Variants in RBM33 observed in about 807,000 individuals in gnomAD.
RBM33 encodes the protein RNA-binding protein 33.
In RBM33, 28 loss-of-function variants were observed where a neutral mutation model predicts 132.6. The ratio of observed to expected loss-of-function variants is 0.21; its 90% CI spans 0.16 to 0.29. The LOEUF (loss-of-function observed/expected upper bound fraction) is 0.29, where lower values mean the gene tolerates loss of function less well. Among genes scored for constraint, RBM33 ranks in the 10% least tolerant of loss-of-function variants. The pLI is 1.00. For synonymous variants in RBM33, 634 were observed against 593.0 expected (o/e 1.07, Z -1.01); for missense variants, 1,291 against 1,518.5 (o/e 0.85, Z 2.49).
At chr7:155,721,029 A>G (rs1339203480) in intron 9 of RBM33, among the ~76,000 whole-genome samples, 1 of 152,222 alleles carries the variant, frequency 6.6e-6, no homozygotes, top group Non-Finnish European at 1.5e-5. Flanking sequence ...TGAAATTTGC[A>G]ATTGAGCAAA....
Position 155,700,773 on chromosome 7 carries a change from G to A in RBM33, c.568G>A (p.Gly190Arg), listed in dbSNP as rs1436532664. Residue 190 changes from glycine to arginine, a missense_variant and splice_region_variant, in exon 6 of 18, where the codon GGA becomes AGA. Gly to Arg is a moderately radical substitution (Grantham distance 125, BLOSUM62 -2). This residue lies in a region of RBM33 where 194 missense variants were observed against 249.8 expected (regional missense o/e 0.78). Coordinates refer to ENST00000401878, the MANE Select transcript of RBM33 (RefSeq NM_053043.3). ...TTTGCCTTGTGTATCTGCAATATAG[G>A]GAGGTATGGAAACATTGGAACTTCA... ...EINEPLDEFT[G>R]GMETLELQKD... 1 of 1,557,148 alleles carries A rather than the reference G, an allele frequency of 6.4e-7. No homozygotes were observed. The highest frequency in any genetic ancestry group is 1.4e-5 in the African/African-American group (1 of 73,282).
rs763763629 is a variant in RBM33 at position 155,740,014 on chromosome 7, G to A, written c.2037G>A (p.Gln679=). ...GCCGGATGCAGTGCCCCCAGCGCCAGGGGCTCCGGCATGTAAGTGTCAAGG... is the reference window on the plus strand; with the variant it reads ...GCCGGATGCAGTGCCCCCAGCGCCAAGGGCTCCGGCATGTAAGTGTCAAGG... ...SSSRMQCPQR[Q]GLRHNTTSQN... The change falls in exon 12 of 18, where the codon CAG becomes CAA. Residue 679 remains glutamine, a synonymous_variant. Transcript: ENST00000401878. 14 of 1,550,072 alleles carry A rather than the reference G, an allele frequency of 9.0e-6. No homozygotes were observed. Among genetic ancestry groups the A allele is most frequent in the Middle Eastern group, 1.7e-4 (1 of 5,904 alleles).
Position 155,745,600 on chromosome 7 carries a change from G to C in RBM33, c.2977G>C (p.Gly993Arg), listed in dbSNP as rs760870469. ...GGTCAGGGTGATTAAGCTGTCAGGT[G>C]GGGTAAGTTGACAAGTTTTATGAGA... ...SKVRVIKLSGGGGESDGFFHP... is the reference protein window; with the variant it reads ...SKVRVIKLSGRGGESDGFFHP... Residue 993 changes from glycine to arginine, a missense_variant and splice_region_variant, in exon 14 of 18, where the codon GGG becomes CGG. Gly to Arg is a moderately radical substitution (Grantham distance 125, BLOSUM62 -2). Around this residue, in one of 7 missense-constraint regions of RBM33, gnomAD observed 841 missense variants for 912.0 expected, o/e 0.92. Coordinates refer to ENST00000401878, the MANE Select transcript of RBM33 (RefSeq NM_053043.3). This position sits in a 1 kb window ranked among gnomAD's most constrained non-coding sequence, Gnocchi z 4.1. The C allele has an allele frequency of 6.4e-7, 1 of 1,571,898 alleles. No homozygotes were observed. Among genetic ancestry groups the C allele is most frequent in the African/African-American group, 1.4e-5 (1 of 73,732 alleles).
intron 5 of RBM33, among the ~76,000 whole-genome samples, chr7:155,699,923 G>T (rs1049514078): frequency 3.3e-5 from 5 of 152,056 alleles, no homozygotes; most frequent in African/African-American, 1.2e-4. Context: ...TTGATAAAAA[G>T]TATCTAAATT....
chr7:155,752,655 G>GC (rs1801720258), intron 14 of RBM33, among the ~76,000 whole-genome samples: 2 of 152,132 alleles, frequency 1.3e-5, no homozygotes, highest in South Asian at 4.1e-4. Context: ...TTCTGAGGCC[G>GC]CCCATCGCCC....
intron 6 of RBM33, among the ~76,000 whole-genome samples, chr7:155,706,573 CTCAG>C (rs1416863931): frequency 6.6e-6 from 1 of 152,052 alleles, no homozygotes; most frequent in African/African-American, 2.4e-5. Flanking sequence ...GCTTTTTAGC[CTCAG>C]TCAGCACATA....
In RBM33 at chr7:155,739,725, ATCC is replaced by A. The variant is rs1801251833; in HGVS notation, c.1752_1754del (p.Pro585del). On this transcript the variant is annotated inframe_deletion, in exon 12 of 18. Transcript: ENST00000401878. Reference sequence around the variant, plus strand: ...CTTTGGAAATGGAAGGGGCCGTTGCATCCTCCATTGCCCCCTCCGCATCAGCCT... The same window carrying A: ...CTTTGGAAATGGAAGGGGCCGTTGCATCCATTGCCCCCTCCGCATCAGCCT... 6.5e-7 allele frequency: 1 copy of A among 1,546,592 alleles called. No individual in the cohort carries two copies.
chr7:155,682,383 G>A (rs1799360110), intron 5 of RBM33, among the ~76,000 whole-genome samples: 1 of 152,092 alleles, frequency 6.6e-6, no homozygotes, highest in South Asian at 2.1e-4. Flanking sequence ...GTAATCCTTC[G>A]CTAATGTAGG....
intron 6 of RBM33, among the ~76,000 whole-genome samples, chr7:155,706,383 A>G (rs1430640493): frequency 1.3e-5 from 2 of 152,108 alleles, no homozygotes; most frequent in African/African-American, 2.4e-5. Context: ...AGTCCCAGCT[A>G]CTTGGGAGGC....
intron 1 of RBM33, among the ~76,000 whole-genome samples, chr7:155,653,562 A>C (rs1002953483): frequency 6.0e-5 from 7 of 116,126 alleles, no homozygotes; most frequent in African/African-American, 2.4e-4. Flanking sequence ...TTCAGGCTCA[A>C]CCCCCAGCCT....
intron 2 of RBM33, among the ~76,000 whole-genome samples, chr7:155,672,325 T>A: frequency 6.6e-6 from 1 of 152,016 alleles, no homozygotes; most frequent in Non-Finnish European, 1.5e-5. Context: ...GGTACAAAAC[T>A]AAGATTAGAA....
intron 16 of RBM33, among the ~76,000 whole-genome samples, chr7:155,767,353 G>A (rs1006129864): frequency 2.6e-5 from 4 of 152,360 alleles, no homozygotes; most frequent in East Asian, 1.9e-4. Context: ...GCCACGCACC[G>A]TGCGTCCCGT....
At chr7:155,669,922 A>G (rs548622857) in intron 2 of RBM33, among the ~76,000 whole-genome samples, 16 of 152,302 alleles carry the variant, frequency 1.1e-4, no homozygotes, top group African/African-American at 3.8e-4. Context: ...GCCAGAGGTT[A>G]GGACCGGCTG....
At chr7:155,766,799 C>CA (rs1271788603) in intron 16 of RBM33, 144 bp downstream of exon 16, 1 of 763,524 alleles carries the variant, frequency 1.3e-6, no homozygotes, top group Non-Finnish European at 2.2e-6. Flanking sequence ...ACCTGTTGTG[C>CA]ATACTTAGTA....
chr7:155,730,015 G>C (rs563360038), intron 9 of RBM33, among the ~76,000 whole-genome samples: 2 of 152,350 alleles, frequency 1.3e-5, no homozygotes, highest in South Asian at 4.1e-4. Context: ...GCATGCCGCA[G>C]TACTTCCAGG....
intron 3 of RBM33, among the ~76,000 whole-genome samples, chr7:155,673,492 A>ACC (rs1491371049): frequency 6.7e-6 from 1 of 148,664 alleles, no homozygotes; most frequent in Admixed American, 6.6e-5. Context: ...GTATATATAT[A>ACC]CACACATATA....
Position 155,745,162 on chromosome 7 carries a change from G to A in RBM33, c.2539G>A (p.Ala847Thr), listed in dbSNP as rs758687833. The part of the protein sequence containing the change: ...PPPPAEQEEQ[A>T]LSPSPTNGNP... ...ACCCCCAGCAGAGCAGGAAGAGCAG[G>A]CACTGTCACCATCACCCACCAACGG... Residue 847 changes from alanine to threonine, a missense_variant, in exon 14 of 18, where the codon GCA (alanine) becomes ACA (threonine). This residue lies in a region of RBM33 where 841 missense variants were observed against 912.0 expected (regional missense o/e 0.92). Coordinates refer to ENST00000401878, the MANE Select transcript of RBM33 (RefSeq NM_053043.3). This position sits in a 1 kb window ranked among gnomAD's most constrained non-coding sequence, Gnocchi z 4.1. 6.2e-7 allele frequency: 1 copy of A among 1,608,552 alleles called. No homozygotes were observed. The highest frequency in any genetic ancestry group is 1.1e-5 in the South Asian group (1 of 90,004).
chr7:155,700,202 A>G (rs1184232320), intron 5 of RBM33, among the ~76,000 whole-genome samples: 1 of 152,248 alleles, frequency 6.6e-6, no homozygotes, highest in Non-Finnish European at 1.5e-5. Context: ...TCAGTCAAAG[A>G]TAGTGATAAA....
At chr7:155,737,753 C>G in intron 10 of RBM33, 91 bp downstream of exon 10, 2 of 1,354,586 alleles carry the variant, frequency 1.5e-6, no homozygotes, top group Non-Finnish European at 2.0e-6. Flanking sequence ...GAATTGAACT[C>G]CCAGTTGGAG....
Sources: allele counts gnomAD v4.1 joint callset (sites outside exome capture counted in the v4.1 genomes callset), GRCh38; gene constraint gnomAD v4.1.1; regional missense constraint gnomAD v4.1.1; non-coding constraint Gnocchi (gnomAD v3.1); transcripts MANE v1.5; gene names NCBI Gene and HGNC (gene_info 2026-07-23, HGNC 2026-07-21).